Variants in IGLL5 observed in about 807,000 individuals in gnomAD.
IGLL5 encodes immunoglobulin lambda-like polypeptide 5.
In IGLL5, 30 loss-of-function variants were observed where a neutral mutation model predicts 20.9. That is an observed-to-expected ratio of 1.44 (90% confidence interval 1.07 to 1.95). IGLL5 has a LOEUF of 1.95. Among genes scored for constraint, IGLL5 ranks in the 30% most tolerant of loss-of-function variants. The probability of loss-of-function intolerance (pLI) is 0.00; values close to 1 mark genes in which losing one functional copy is unlikely to be tolerated. For synonymous variants in IGLL5, 203 were observed against 117.3 expected (o/e 1.73, Z -4.72); for missense variants, 475 against 270.7 (o/e 1.75, Z -5.30).
At chr22:22,889,092 G>A (rs1426632147) in intron 1 of IGLL5, among the ~76,000 whole-genome samples, 3 of 151,194 alleles carry the variant, frequency 2.0e-5, no homozygotes, top group Non-Finnish European at 1.5e-5. Flanking sequence ...GATTATCAGA[G>A]TCAGATTTGT....
chr22:22,893,916 G>C (rs2067947137), intron 2 of IGLL5, 98 bp downstream of exon 2: 11 of 865,212 alleles, frequency 1.3e-5, no homozygotes, highest in Middle Eastern at 2.2e-4. Context: ...TGTCCTCCCA[G>C]CCTTAAGCAC....
At chr22:22,893,931 CCTT>C in intron 2 of IGLL5, 113 bp downstream of exon 2, 1 of 792,732 alleles carries the variant, frequency 1.3e-6, no homozygotes, top group Non-Finnish European at 2.2e-6. Flanking sequence ...AAGCACTGAC[CCTT>C]ACCTTTCTCC....
intron 1 of IGLL5, among the ~76,000 whole-genome samples, chr22:22,889,630 C>T (rs1601609354): frequency 6.6e-6 from 1 of 151,302 alleles, no homozygotes; most frequent in Non-Finnish European, 1.5e-5. Flanking sequence ...ATCTGTTGCT[C>T]AGGCTGGAGT....
intron 1 of IGLL5, among the ~76,000 whole-genome samples, chr22:22,888,530 C>T (rs1228171360): frequency 2.6e-5 from 4 of 151,368 alleles, no homozygotes; most frequent in Admixed American, 6.6e-5. Flanking sequence ...CCTCAATCAC[C>T]TAGTCCTAGT....
intron 2 of IGLL5, among the ~76,000 whole-genome samples, chr22:22,894,570 A>C (rs2066668999): frequency 6.6e-6 from 1 of 151,334 alleles, no homozygotes; most frequent in African/African-American, 2.4e-5. Flanking sequence ...TGCCTTCCTC[A>C]AAGGGCATGT....
At chr22:22,894,190 G>A (rs950532512) in intron 2 of IGLL5, among the ~76,000 whole-genome samples, 1 of 151,420 alleles carries the variant, frequency 6.6e-6, no homozygotes, top group Admixed American at 6.6e-5. Flanking sequence ...TGCTGGGGTG[G>A]GCCTGGGAGC....
At chr22:22,889,330 G>T (rs1003791489) in intron 1 of IGLL5, among the ~76,000 whole-genome samples, 1 of 150,906 alleles carries the variant, frequency 6.6e-6, no homozygotes, top group Non-Finnish European at 1.5e-5. Flanking sequence ...ACACGCTCGG[G>T]GACTGTCTAT....
At position 22,895,438 on chromosome 22, in the gene IGLL5, A is replaced by G. The variant is rs1474877942; in HGVS notation, c.389A>G (p.Asn130Ser). ...FPPSSEELQA[N>S]KATLVCLISD... ...CCCTCCTCTGAGGAGCTCCAAGCCA[A>G]CAAGGCCACACTAGTGTGTCTGATC... Residue 130 changes from asparagine (N) to serine (S), a missense_variant, in exon 3 of 3, where the codon AAC becomes AGC. Asn to Ser is a conservative substitution (Grantham distance 46). Transcript: ENST00000526893. 3.7e-6 allele frequency: 6 copies of G among 1,612,970 alleles called. No individual in the cohort carries two copies. The highest frequency in any genetic ancestry group is 5.1e-6 in the Non-Finnish European group (6 of 1,179,546).
intron 1 of IGLL5, 146 bp from the exon 2 acceptor site, chr22:22,893,554 A>G (rs1250790909): frequency 3.3e-6 from 2 of 604,126 alleles, no homozygotes; most frequent in Non-Finnish European, 5.9e-6. Flanking sequence ...AAAGACACAC[A>G]CTGGGGTAAC....
rs1193172849 is a variant in IGLL5 at position 22,888,922 on chromosome 22, G to C, written c.206+663G>C. On this transcript the variant is annotated intron_variant, in intron 1 of 2. Transcript: ENST00000526893. ...CTCACAGATCGAGGGGCACTGGCTG[G>C]TGATGGGTGCCCCCAAAAGACAGAG... is the stretch of plus-strand genomic sequence containing the variant. Among the ~76,000 whole-genome samples, 8 of 151,348 alleles carry C rather than the reference G, an allele frequency of 5.3e-5. 1 individual carries two copies. In the East Asian group the frequency reaches 6.1e-4, roughly 11 times the overall value.
rs762998471 is a variant in IGLL5 at position 22,888,214 on chromosome 22, C to A, written c.161C>A (p.Ala54Asp). Residue 54 changes from alanine (A) to aspartate (D), a missense_variant, in exon 1 of 3, where the codon GCC becomes GAC. By Grantham distance (126) the Ala-to-Asp change is moderately radical. Transcript: ENST00000526893. Reference protein sequence around the residue: ...APQSGDPDPGASVGSSRSSLR... With the variant: ...APQSGDPDPGDSVGSSRSSLR... Reference sequence around the variant, plus strand: ...CAAAGCGGGGACCCAGACCCTGGAGCCTCAGTTGGAAGCAGCCGATCCAGC... The same window carrying A: ...CAAAGCGGGGACCCAGACCCTGGAGACTCAGTTGGAAGCAGCCGATCCAGC... 3 of 1,548,384 alleles carry A rather than the reference C, an allele frequency of 1.9e-6. No homozygotes were observed. The highest frequency in any genetic ancestry group is 2.0e-5 in the Admixed American group (1 of 50,754).
intron 2 of IGLL5, 110 bp from the exon 3 acceptor site, chr22:22,895,265 A>G (rs2066736390): frequency 1.0e-6 from 1 of 980,906 alleles, no homozygotes; most frequent in Non-Finnish European, 1.6e-6. Flanking sequence ...CCCCGGGTGG[A>G]CCGGATGGCC....
At chr22:22,889,040 T>C (rs555158768) in intron 1 of IGLL5, among the ~76,000 whole-genome samples, 8 of 151,274 alleles carry the variant, frequency 5.3e-5, no homozygotes, top group Admixed American at 2.6e-4. Flanking sequence ...CCGTGCACCA[T>C]TCCCAGTCCA....
chr22:22,887,948 C>T lies in IGLL5; in HGVS notation c.-106C>T, dbSNP rs2145974420. 4.5e-6 allele frequency: 4 copies of T among 880,212 alleles called. No homozygotes were observed. The highest frequency in any genetic ancestry group is 2.9e-5 in the South Asian group (2 of 70,046). The allele number at this position is 880,212 out of a possible 1,614,324, so 54.5% of individuals were successfully genotyped here. Reference sequence around the variant, plus strand: ...CCAGGGAGAGGACAGAGCCAATGGACTGGGGTGTACTGTAACAGCCCTGCT... The same window carrying T: ...CCAGGGAGAGGACAGAGCCAATGGATTGGGGTGTACTGTAACAGCCCTGCT... On this transcript the variant is annotated 5_prime_UTR_variant, in exon 1 of 3. Coordinates refer to ENST00000526893, the MANE Select transcript of IGLL5 (RefSeq NM_001178126.2).
rs779217878 is a variant in IGLL5 at position 22,888,199 on chromosome 22, A to C, written c.146A>C (p.Asp49Ala). 2 of 1,548,570 alleles carry C rather than the reference A, an allele frequency of 1.3e-6. No homozygotes were observed. The highest frequency in any genetic ancestry group is 2.0e-5 in the Admixed American group (1 of 50,792). ...CCAATGGTTGCACCGCAAAGCGGGG[A>C]CCCAGACCCTGGAGCCTCAGTTGGA... ...LRPMVAPQSG[D>A]PDPGASVGSS... The change falls in exon 1 of 3, where the codon GAC becomes GCC. Residue 49 changes from aspartate to alanine, a missense_variant. Asp to Ala is a moderately radical substitution (Grantham distance 126, BLOSUM62 -2). Transcript: ENST00000526893.
rs2066745503 is a variant in IGLL5, at chr22:22,895,426, A to G, written c.377A>G (p.Glu126Gly). Reference sequence around the variant, plus strand: ...ACTCTGTTCCCGCCCTCCTCTGAGGAGCTCCAAGCCAACAAGGCCACACTA... The same window carrying G: ...ACTCTGTTCCCGCCCTCCTCTGAGGGGCTCCAAGCCAACAAGGCCACACTA... ...TVTLFPPSSE[E>G]LQANKATLVC... is the part of the protein sequence containing the mutation. Residue 126 changes from glutamate to glycine, a missense_variant, in exon 3 of 3, where the codon GAG becomes GGG. Glu to Gly is a moderately conservative substitution (Grantham distance 98). Coordinates refer to ENST00000526893, the MANE Select transcript of IGLL5 (RefSeq NM_001178126.2). 6.2e-7 allele frequency: 1 copy of G among 1,612,950 alleles called. No homozygotes were observed. The highest frequency in any genetic ancestry group is 1.1e-5 in the South Asian group (1 of 91,016).
chr22:22,894,992 G>C (rs2066714438), intron 2 of IGLL5, among the ~76,000 whole-genome samples: 1 of 151,496 alleles, frequency 6.6e-6, no homozygotes, highest in African/African-American at 2.4e-5. Flanking sequence ...GGTCCTGGAA[G>C]AATAAAGTGG....
chr22:22,894,018 G>A (rs2067968590), intron 2 of IGLL5, among the ~76,000 whole-genome samples, 200 bp downstream of exon 2: 3 of 149,606 alleles, frequency 2.0e-5, no homozygotes, highest in Admixed American at 1.3e-4. Context: ...GCAGCCGGAT[G>A]CAGCCTGGTC....
At chr22:22,888,483 T>G (rs140496455) in intron 1 of IGLL5, among the ~76,000 whole-genome samples, 3 of 151,380 alleles carry the variant, frequency 2.0e-5, no homozygotes, top group South Asian at 2.1e-4. Context: ...GATTTCTGAG[T>G]TTTCTGGCGC....
Sources: allele counts gnomAD v4.1 joint callset (sites outside exome capture counted in the v4.1 genomes callset), GRCh38; gene constraint gnomAD v4.1.1; transcripts MANE v1.5; gene names NCBI Gene and HGNC (gene_info 2026-07-23, HGNC 2026-07-21).